The following MED12L variants were observed in gnomAD, a reference collection of about 807,000 sequenced individuals.
MED12L encodes mediator complex subunit 12L, also known as mediator of RNA polymerase II transcription subunit 12-like protein.
Under a neutral mutation model 281.3 loss-of-function variants are expected in MED12L, and 60 were observed. The ratio of observed to expected loss-of-function variants is 0.21; its 90% CI spans 0.17 to 0.26. The LOEUF is 0.26. Ranked by LOEUF, MED12L falls within the 10% of genes least tolerant of loss-of-function variation. The pLI, the probability that MED12L is intolerant of heterozygous loss-of-function variation, is 1.00. For synonymous variants in MED12L, 974 were observed against 987.2 expected (o/e 0.99, Z 0.25); for missense variants, 2,146 against 2,680.9 (o/e 0.80, Z 4.41).
intron 16 of MED12L, chr3:151,338,055 G>A (rs778778945): frequency 6.2e-7 from 1 of 1,614,084 alleles, no homozygotes; most frequent in Admixed American, 1.7e-5. Flanking sequence ...GACATCCCGG[G>A]TTTGGCTCAG....
rs193000259 is a variant in MED12L at position 151,101,777 on chromosome 3, T to C, written c.100-14561T>C. Among the ~76,000 whole-genome samples the C allele has an allele frequency of 4.6e-5, 7 of 152,012 alleles. No individual in the cohort carries two copies. In the East Asian group the frequency reaches 1.4e-3, roughly 29 times the overall value. Reference sequence around the variant, plus strand: ...ATCTCACTAGCTCATGCCTAATAAATCCAGTGTGGGAGACAGTGGAGTCGG... The same window carrying C: ...ATCTCACTAGCTCATGCCTAATAAACCCAGTGTGGGAGACAGTGGAGTCGG... On this transcript the variant is annotated intron_variant, in intron 2 of 44. Coordinates refer to ENST00000687756, the MANE Select transcript of MED12L (RefSeq NM_001393769.1).
At chr3:151,379,989 G>T (rs1711960955) in intron 31 of MED12L, 124 bp from the exon 32 acceptor site, 9 of 573,490 alleles carry the variant, frequency 1.6e-5, no homozygotes, top group East Asian at 9.6e-5. Context: ...AAATTTTCAA[G>T]CAGTCTTTGG....
At chr3:151,282,164 T>C (rs1170407723) in intron 16 of MED12L, among the ~76,000 whole-genome samples, 2 of 152,190 alleles carry the variant, frequency 1.3e-5, no homozygotes, top group African/African-American at 4.8e-5. Context: ...TCCGGCCTCA[T>C]CCCCACTTGC....
At chr3:151,417,549 G>A (rs538645850) in intron 43 of MED12L, among the ~76,000 whole-genome samples, 92 of 130,902 alleles carry the variant, frequency 7.0e-4, no homozygotes, top group African/African-American at 2.2e-3. Flanking sequence ...AGTGCAGTGC[G>A]ATCTCAGCTC....
chr3:151,278,121 T>C (rs1231978985), intron 16 of MED12L, among the ~76,000 whole-genome samples: 2 of 152,168 alleles, frequency 1.3e-5, no homozygotes, highest in South Asian at 2.1e-4. Flanking sequence ...AATATATTAA[T>C]ATACCAATTA....
intron 5 of MED12L, among the ~76,000 whole-genome samples, chr3:151,135,416 C>T (rs958874808): frequency 6.6e-6 from 1 of 152,220 alleles, no homozygotes. Flanking sequence ...TATGCGACAA[C>T]TGCTACTTAG....
chr3:151,277,105 G>T (rs1054116399), intron 16 of MED12L, among the ~76,000 whole-genome samples: 1 of 151,752 alleles, frequency 6.6e-6, no homozygotes, highest in Non-Finnish European at 1.5e-5. Context: ...TACCACGTTG[G>T]CCAGGCTGGT....
rs372954515 is a variant in MED12L at position 151,337,998 on chromosome 3, G to A, written c.2251-12061G>A. ...TGCATTTAAGGAAGTTAACCACAGA[G>A]TGCTCTCTTTCACATAGAACAGAGT... On this transcript the variant is annotated intron_variant, in intron 16 of 44. Coordinates refer to ENST00000687756, the MANE Select transcript of MED12L (RefSeq NM_001393769.1). The A allele has an allele frequency of 3.7e-6, 6 of 1,613,984 alleles. No homozygotes were observed. The highest frequency in any genetic ancestry group is 5.1e-6 in the Non-Finnish European group (6 of 1,180,016).
chr3:151,268,554 A>G (rs1740269925), intron 16 of MED12L, among the ~76,000 whole-genome samples: 1 of 152,212 alleles, frequency 6.6e-6, no homozygotes, highest in East Asian at 1.9e-4. Flanking sequence ...TTTGTGAGTT[A>G]GACATTTTGT....
chr3:151,256,864 T>A (rs1016703130), intron 16 of MED12L, among the ~76,000 whole-genome samples: 5 of 145,920 alleles, frequency 3.4e-5, no homozygotes, highest in African/African-American at 1.3e-4. Context: ...TTTTTTGTTG[T>A]TTTTTTTTTT....
Position 151,376,220 on chromosome 3 carries a change from T to A in MED12L, c.4053+6T>A. On this transcript the variant is annotated splice_donor_region_variant and intron_variant, in intron 28 of 44. Transcript: ENST00000687756. ...ACATTAAGCGTATTCTTCAGGTCAG[T>A]CGTATACAGATTGTGTTTCTGTCAT... The A allele has an allele frequency of 1.4e-6, 2 of 1,462,654 alleles. No homozygotes were observed. Among genetic ancestry groups the A allele is most frequent in the Non-Finnish European group, 1.8e-6 (2 of 1,103,308 alleles). The allele number at this position is 1,462,654 out of a possible 1,614,324, so 90.6% of individuals were successfully genotyped here. A position where few individuals can be genotyped will look rare whatever the true frequency, so the allele number is the denominator to read the frequency against.
intron 16 of MED12L, chr3:151,212,145 A>G (rs149947470): frequency 6.6e-6 from 1 of 152,224 alleles, no homozygotes; most frequent in Admixed American, 6.5e-5. Flanking sequence ...TTATTAGTAT[A>G]TAGACAGTAA....
At chr3:151,288,941 G>T (rs1447355629) in intron 16 of MED12L, among the ~76,000 whole-genome samples, 1 of 152,176 alleles carries the variant, frequency 6.6e-6, no homozygotes, top group African/African-American at 2.4e-5. Flanking sequence ...TGCACATCTG[G>T]TATTCAGTTC....
chr3:151,358,912 G>C (rs571247888), intron 20 of MED12L, among the ~76,000 whole-genome samples: 1 of 152,020 alleles, frequency 6.6e-6, no homozygotes, highest in African/African-American at 2.4e-5. Flanking sequence ...ATAATTTTTC[G>C]CTTTATAGAT....
chr3:151,382,880 T>G, intron 33 of MED12L, 135 bp downstream of exon 33: 106 of 596,930 alleles, frequency 1.8e-4, no homozygotes, highest in Non-Finnish European at 2.5e-4. Context: ...CTGTAATTAC[T>G]TCCCTGTTTC....
chr3:151,292,213 T>C lies in MED12L; in HGVS notation c.2251-57846T>C, dbSNP rs74987806. Among the ~76,000 whole-genome samples, 59 of 152,066 alleles carry C rather than the reference T, an allele frequency of 3.9e-4. No homozygotes were observed. In the East Asian group the frequency reaches 7.7e-3, roughly 20 times the overall value. On this transcript the variant is annotated intron_variant, in intron 16 of 44. Coordinates refer to ENST00000687756, the MANE Select transcript of MED12L (RefSeq NM_001393769.1). ...ATTTTTGAGATTATTGCCTGGGAGC[T>C]GTGGTGTGGTAGAAACAGAGGATGA...
In MED12L at chr3:151,433,487, C is replaced by T. The variant is rs1719758430; in HGVS notation, c.*683C>T. ...AACCAAGGTTTCTTTGAGAGCCGCC[C>T]TAAGATGTGCGGAAACCTGTTAGAA... On this transcript the variant is annotated 3_prime_UTR_variant, in exon 45 of 45. Coordinates refer to ENST00000687756, the MANE Select transcript of MED12L (RefSeq NM_001393769.1). 1 of 152,582 alleles carries T rather than the reference C, an allele frequency of 6.6e-6. No homozygotes were observed. The highest frequency in any genetic ancestry group is 1.5e-5 in the Non-Finnish European group (1 of 68,032). The allele number at this position is 152,582 out of a possible 1,614,324, so 9.5% of individuals were successfully genotyped here.
intron 16 of MED12L, among the ~76,000 whole-genome samples, chr3:151,225,874 T>C (rs959302713): frequency 2.6e-5 from 4 of 152,226 alleles, no homozygotes; most frequent in African/African-American, 9.6e-5. Context: ...CTGACCTCTT[T>C]GCTTGCAGTT....
intron 16 of MED12L, chr3:151,328,041 A>T (rs770644573): frequency 1.2e-6 from 2 of 1,602,186 alleles, no homozygotes; most frequent in African/African-American, 1.3e-5. Flanking sequence ...TCTTGGCTTG[A>T]TGCTGTGGTC....
Sources: allele counts gnomAD v4.1 joint callset (sites outside exome capture counted in the v4.1 genomes callset), GRCh38; gene constraint gnomAD v4.1.1; transcripts MANE v1.5; gene names NCBI Gene and HGNC (gene_info 2026-07-23, HGNC 2026-07-21).